Variants in ROS1 observed in about 807,000 individuals in gnomAD.
ROS1 encodes proto-oncogene tyrosine-protein kinase ROS.
Under a neutral mutation model 273.5 loss-of-function variants are expected in ROS1, and 263 were observed. The observed-to-expected ratio is 0.96, with a 90% CI of 0.87 to 1.06. ROS1 has a LOEUF of 1.06. ROS1 is among the 50% of genes least tolerant of loss of function. The pLI, the probability that ROS1 is intolerant of heterozygous loss-of-function variation, is 0.00. For missense variants in ROS1, 2,833 were observed against 2,751.1 expected (o/e 1.03, Z -0.67); for synonymous variants, 1,008 against 954.1 (o/e 1.06, Z -1.04).
At chr6:117,292,641 T>C (rs1773926072) in intron 43 of ROS1, among the ~76,000 whole-genome samples, 1 of 152,234 alleles carries the variant, frequency 6.6e-6, no homozygotes, top group South Asian at 2.1e-4. Flanking sequence ...AGGACAGACC[T>C]TTCAACTGAG....
intron 27 of ROS1, among the ~76,000 whole-genome samples, chr6:117,352,563 T>C (rs1166660954): frequency 6.6e-6 from 1 of 152,204 alleles, no homozygotes; most frequent in Non-Finnish European, 1.5e-5. Flanking sequence ...TAATACTTAG[T>C]GATTTGATAC....
At chr6:117,290,258 CTGT>C (rs531695345) in intron 43 of ROS1, among the ~76,000 whole-genome samples, 13 of 151,992 alleles carry the variant, frequency 8.6e-5, no homozygotes, top group Non-Finnish European at 1.6e-4. Context: ...TTTGCAAATT[CTGT>C]TGTTATGTGT....
intron 7 of ROS1, among the ~76,000 whole-genome samples, chr6:117,399,997 T>C (rs918933569): frequency 2.6e-5 from 4 of 152,208 alleles, no homozygotes; most frequent in African/African-American, 9.7e-5. Context: ...TACAAACTCC[T>C]TACCCAGGAC....
chr6:117,303,361 A>G (rs541603098), intron 42 of ROS1, among the ~76,000 whole-genome samples: 1 of 152,346 alleles, frequency 6.6e-6, no homozygotes, highest in South Asian at 2.1e-4. Context: ...ACAGTTTTGG[A>G]AAGTTGCTTA....
intron 1 of ROS1, among the ~76,000 whole-genome samples, chr6:117,422,174 T>C (rs1183163389): frequency 1.3e-5 from 2 of 152,122 alleles, no homozygotes; most frequent in Non-Finnish European, 2.9e-5. Context: ...CACGCCTAGC[T>C]AATTTTTGTA....
At chr6:117,343,953 T>C (rs900906487) in intron 28 of ROS1, 107 bp downstream of exon 28, 1 of 899,788 alleles carries the variant, frequency 1.1e-6, no homozygotes, top group Non-Finnish European at 1.7e-6. Flanking sequence ...AAAAGTTGCG[T>C]ACTAGTCCAT....
chr6:117,412,135 G>A (rs1463721235), intron 4 of ROS1, among the ~76,000 whole-genome samples: 2 of 152,160 alleles, frequency 1.3e-5, no homozygotes, highest in Non-Finnish European at 2.9e-5. Context: ...AGACCAAGGG[G>A]AGAGTATGAG....
At chr6:117,416,364 A>T in intron 2 of ROS1, 47 bp from the exon 3 acceptor site, 1 of 1,272,830 alleles carries the variant, frequency 7.9e-7, no homozygotes, top group Non-Finnish European at 1.1e-6. Flanking sequence ...AAGAAATGTG[A>T]CTTTTTCTTG....
At chr6:117,334,610 A>C (rs1777330494) in intron 32 of ROS1, among the ~76,000 whole-genome samples, 1 of 152,232 alleles carries the variant, frequency 6.6e-6, no homozygotes, top group Non-Finnish European at 1.5e-5. Context: ...ACAAAGCTAC[A>C]GTAACACAGC....
intron 17 of ROS1, among the ~76,000 whole-genome samples, chr6:117,380,858 T>G (rs1032670877): frequency 2.0e-5 from 3 of 152,162 alleles, no homozygotes; most frequent in Non-Finnish European, 4.4e-5. Flanking sequence ...AAAAGGTATC[T>G]TTTTACCTTA....
chr6:117,330,489 G>T (rs569208302), intron 32 of ROS1, among the ~76,000 whole-genome samples: 67 of 152,278 alleles, frequency 4.4e-4, no homozygotes, highest in East Asian at 1.9e-4. Context: ...CGTTAAATGG[G>T]TCCTCCTCCT....
chr6:117,383,308 A>G lies in ROS1; in HGVS notation c.2481+9T>C. 6.2e-7 allele frequency: 1 copy of G among 1,605,164 alleles called. No homozygotes were observed. Among genetic ancestry groups the G allele is most frequent in the South Asian group, 1.1e-5 (1 of 90,734 alleles). Reference sequence around the variant, plus strand: ...TATTACTAAATGATCAGATCTTTTAATTTGTCACCTTTTTCCCAGAAAACC... The same window carrying G: ...TATTACTAAATGATCAGATCTTTTAGTTTGTCACCTTTTTCCCAGAAAACC... On this transcript the variant is annotated intron_variant, in intron 17 of 43. Transcript: ENST00000368507.
At chr6:117,308,773 A>T (rs776485024) in intron 42 of ROS1, 21 bp downstream of exon 42, 1 of 1,609,708 alleles carries the variant, frequency 6.2e-7, no homozygotes, top group South Asian at 1.1e-5. Context: ...GGGGATACAT[A>T]TGTTAACATA....
chr6:117,323,726 GAA>G (rs1562271587), intron 35 of ROS1, among the ~76,000 whole-genome samples: 2 of 151,644 alleles, frequency 1.3e-5, no homozygotes, highest in African/African-American at 4.8e-5. Context: ...AATCTTCTTA[GAA>G]AAAAAATAGC....
chr6:117,340,333 G>T (rs1457085350), intron 31 of ROS1, among the ~76,000 whole-genome samples: 1 of 151,966 alleles, frequency 6.6e-6, no homozygotes, highest in Non-Finnish European at 1.5e-5. Context: ...TAAACATCCT[G>T]GGGAATAACT....
At chr6:117,344,613 G>T (rs193113527) in intron 27 of ROS1, among the ~76,000 whole-genome samples, 2 of 152,078 alleles carry the variant, frequency 1.3e-5, no homozygotes. Context: ...CATGTGACAC[G>T]GTCTGGTTAG....
In ROS1 at chr6:117,397,047, T is replaced by G; in HGVS notation, c.674A>C (p.Asp225Ala). ...SSPDTVEVSW[D>A]PPQFPGGPIL... ...AGGTCCACCTGGGAATTGAGGTGGATCCCAGCTGACTTCCACAGTGTCGGG... is the reference window on the plus strand; with the variant it reads ...AGGTCCACCTGGGAATTGAGGTGGAGCCCAGCTGACTTCCACAGTGTCGGG... Residue 225 changes from aspartate to alanine, a missense_variant, in exon 8 of 44, where the codon GAT becomes GCT. Physicochemically the swap from Asp to Ala is moderately radical, Grantham distance 126. Coordinates refer to ENST00000368507, the MANE Select transcript of ROS1 (RefSeq NM_001378902.1). 6.2e-7 allele frequency: 1 copy of G among 1,613,524 alleles called. No individual in the cohort carries two copies. Among genetic ancestry groups the G allele is most frequent in the Non-Finnish European group, 8.5e-7 (1 of 1,179,412 alleles).
At chr6:117,393,181 T>C (rs765502700) in intron 12 of ROS1, 43 bp downstream of exon 12, 5 of 1,128,540 alleles carry the variant, frequency 4.4e-6, no homozygotes, top group Non-Finnish European at 6.7e-6. Context: ...AGATTATTTA[T>C]TCCCAATGGA....
In ROS1 at chr6:117,358,679, C is replaced by T. The variant is rs573906926; in HGVS notation, c.3634-670G>A. On this transcript the variant is annotated intron_variant, in intron 24 of 43. Coordinates refer to ENST00000368507, the MANE Select transcript of ROS1 (RefSeq NM_001378902.1). ...TTCACCATGTTGGCCAGGCTGGTATCGAATTCCCGGCATCCAGTGATCCAC... is the reference window on the plus strand; with the variant it reads ...TTCACCATGTTGGCCAGGCTGGTATTGAATTCCCGGCATCCAGTGATCCAC... Among the ~76,000 whole-genome samples, 4 of 152,222 alleles carry T rather than the reference C, an allele frequency of 2.6e-5. No individual in the cohort carries two copies. The South Asian group carries it at 6.2e-4, about 24-fold the overall frequency.
Sources: allele counts gnomAD v4.1 joint callset (sites outside exome capture counted in the v4.1 genomes callset), GRCh38; gene constraint gnomAD v4.1.1; transcripts MANE v1.5; gene names NCBI Gene and HGNC (gene_info 2026-07-23, HGNC 2026-07-21).